Variants in ZMYND12 observed in about 807,000 individuals in gnomAD.
ZMYND12 encodes the protein zinc finger MYND-type containing 12, also known as zinc finger MYND domain-containing protein 12.
ZMYND12 carries 32 observed loss-of-function variants against 41.7 expected under a neutral mutation model. The observed-to-expected ratio is 0.77, with a 90% CI of 0.58 to 1.03. ZMYND12 has a LOEUF of 1.03. ZMYND12 is among the 50% of genes least tolerant of loss of function. The pLI, the probability that ZMYND12 is intolerant of heterozygous loss-of-function variation, is 0.00. For synonymous variants in ZMYND12, 148 were observed against 164.8 expected, an observed-to-expected ratio of 0.90 and a Z score of 0.78; for missense variants, 424 against 438.5, an observed-to-expected ratio of 0.97 and a Z score of 0.30.
intron 3 of ZMYND12, among the ~76,000 whole-genome samples, chr1:42,443,377 A>G (rs1026830051): frequency 2.6e-5 from 4 of 152,200 alleles, no homozygotes; most frequent in Non-Finnish European, 5.9e-5. Flanking sequence ...AAGTGATACT[A>G]TCCCTTAGGG....
chr1:42,437,832 C>T (rs963322076), intron 4 of ZMYND12, among the ~76,000 whole-genome samples: 1 of 152,188 alleles, frequency 6.6e-6, no homozygotes, highest in Non-Finnish European at 1.5e-5. Context: ...CAGGCACATG[C>T]CACCACACCC....
intron 1 of ZMYND12, among the ~76,000 whole-genome samples, chr1:42,454,230 T>C (rs1040982391): frequency 6.6e-6 from 1 of 152,188 alleles, no homozygotes; most frequent in East Asian, 1.9e-4. Flanking sequence ...GAAGTGAAGG[T>C]AGAGAAATAA....
rs141426480 is a variant in ZMYND12, at chr1:42,432,216, C to T, written c.975+927G>A. Reference sequence around the variant, plus strand: ...GGACTACATGTGCACACCTCTAGCCCGGCTGATCTTTTTATTTTTATTTTT... The same window carrying T: ...GGACTACATGTGCACACCTCTAGCCTGGCTGATCTTTTTATTTTTATTTTT... On this transcript the variant is annotated intron_variant, in intron 7 of 7. Transcript: ENST00000372565. Among the ~76,000 whole-genome samples, 737 of 151,990 alleles carry T rather than the reference C, an allele frequency of 4.8e-3. 7 individuals are homozygous for T. Among genetic ancestry groups the T allele is most frequent in the African/African-American group, 0.015 (612 of 41,436 alleles).
At position 42,430,770 on chromosome 1, in the gene ZMYND12, C is replaced by A. The variant is rs41301052; in HGVS notation, c.1064G>T (p.Ser355Ile). Reference sequence around the variant, plus strand: ...GGGATGGTCTTCAGTTGAAATGAGACTTAATAACTCTTGAATGGTGCTTTG... The same window carrying A: ...GGGATGGTCTTCAGTTGAAATGAGAATTAATAACTCTTGAATGGTGCTTTG... ...HEQSTIQELL[S>I]LISTEDHPIT The change falls in exon 8 of 8, where the codon AGT (serine) becomes ATT (isoleucine). Residue 355 changes from serine to isoleucine, a missense_variant. Coordinates refer to ENST00000372565, the MANE Select transcript of ZMYND12 (RefSeq NM_032257.5). 46,905 of 1,614,120 alleles carry A rather than the reference C, an allele frequency of 0.029. 798 individuals carry two copies. Among genetic ancestry groups the A allele is most frequent in the Non-Finnish European group, 0.034 (39,666 of 1,179,988 alleles).
At chr1:42,440,974 G>A (rs1159223847) in intron 3 of ZMYND12, among the ~76,000 whole-genome samples, 1 of 152,004 alleles carries the variant, frequency 6.6e-6, no homozygotes, top group African/African-American at 2.4e-5. Context: ...GGCCTTAATT[G>A]TTCTTTAAAA....
chr1:42,455,628 G>A lies in ZMYND12; in HGVS notation c.110+260C>T, dbSNP rs1221000463. Among the ~76,000 whole-genome samples, 9 of 152,224 alleles carry A rather than the reference G, an allele frequency of 5.9e-5. 1 individual carries two copies. Among genetic ancestry groups the A allele is most frequent in the Admixed American group, 5.9e-4 (9 of 15,282 alleles). ...GGAATGTTAGATCTTTGAAGGAACT[G>A]ATCTACCGAGCTGCCCCAGTAACTT... On this transcript the variant is annotated intron_variant, in intron 1 of 7. Coordinates refer to ENST00000372565, the MANE Select transcript of ZMYND12 (RefSeq NM_032257.5).
Position 42,430,807 on chromosome 1 carries a change from C to T in ZMYND12, c.1027G>A (p.Asp343Asn). 1.2e-6 allele frequency: 2 copies of T among 1,614,180 alleles called. No homozygotes were observed. The highest frequency in any genetic ancestry group is 1.7e-6 in the Non-Finnish European group (2 of 1,180,020). The change falls in exon 8 of 8, where the codon GAT becomes AAT. Residue 343 changes from aspartate (D) to asparagine (N), a missense_variant. Coordinates refer to ENST00000372565, the MANE Select transcript of ZMYND12 (RefSeq NM_032257.5). ...TGAATGGTGCTTTGCTCATGGACAT[C>T]AAGCTGTTGTTCTTTGGCTAGACTG... ...ALSLAKEQQL[D>N]VHEQSTIQEL...
rs778442980 is a variant in ZMYND12 at position 42,439,983 on chromosome 1, G to A, written c.467C>T (p.Ala156Val). 6.2e-7 allele frequency: 1 copy of A among 1,613,486 alleles called. No individual in the cohort carries two copies. Among genetic ancestry groups the A allele is most frequent in the Non-Finnish European group, 8.5e-7 (1 of 1,179,852 alleles). Residue 156 changes from alanine to valine, a missense_variant, in exon 4 of 8, where the codon GCC (alanine) becomes GTC (valine). Coordinates refer to ENST00000372565, the MANE Select transcript of ZMYND12 (RefSeq NM_032257.5). ...AGTTGATTTGAGGACTGTCCACTGG[G>A]CTTGGAATAGATATTCTTCAGCCTG... The part of the protein sequence containing the change: ...IVQAEEYLFQ[A>V]QWTVLKSTDC...
At chr1:42,436,749 A>G (rs915473806) in intron 4 of ZMYND12, among the ~76,000 whole-genome samples, 1 of 152,098 alleles carries the variant, frequency 6.6e-6, no homozygotes, top group African/African-American at 2.4e-5. Context: ...AATTAGGTAA[A>G]TGCAAAACAA....
intron 3 of ZMYND12, among the ~76,000 whole-genome samples, chr1:42,447,920 A>G (rs1643040516): frequency 6.6e-6 from 1 of 152,184 alleles, no homozygotes; most frequent in Non-Finnish European, 1.5e-5. Context: ...ATAAAGGTGG[A>G]TTCCACACTC....
intron 6 of ZMYND12, among the ~76,000 whole-genome samples, chr1:42,434,443 C>T (rs961751697): frequency 3.9e-5 from 6 of 152,154 alleles, no homozygotes; most frequent in African/African-American, 1.4e-4. Context: ...AACCCCCAGG[C>T]CATGGACCAG....
chr1:42,448,238 G>A (rs977310493), intron 3 of ZMYND12, among the ~76,000 whole-genome samples: 34 of 152,158 alleles, frequency 2.2e-4, no homozygotes, highest in African/African-American at 8.2e-4. Flanking sequence ...TACAGCACCC[G>A]CACAAAGTTC....
intron 5 of ZMYND12, 151 bp from the exon 6 acceptor site, chr1:42,435,536 G>T (rs2148404759): frequency 1.7e-6 from 1 of 591,022 alleles, no homozygotes; most frequent in South Asian, 1.9e-5. Context: ...AACCCTAGGA[G>T]CCCAAACAGG....
chr1:42,436,732 A>C (rs943309831), intron 4 of ZMYND12, among the ~76,000 whole-genome samples, 189 bp from the exon 5 acceptor site: 2 of 152,130 alleles, frequency 1.3e-5, no homozygotes, highest in Non-Finnish European at 2.9e-5. Context: ...ATAGATACTA[A>C]CATAGTAATT....
intron 3 of ZMYND12, among the ~76,000 whole-genome samples, chr1:42,444,250 G>GAGAGCTCTGAGTGAGGA (rs1642999214): frequency 6.6e-6 from 1 of 152,140 alleles, no homozygotes; most frequent in Admixed American, 6.6e-5. Context: ...CCATATATGT[G>GAGAGCTCTGAGTGAGGA]AGAGCTCTGA....
chr1:42,455,942 A>G lies in ZMYND12; in HGVS notation c.56T>C (p.Val19Ala). The change falls in exon 1 of 8, where the codon GTG (valine) becomes GCG (alanine). Residue 19 changes from valine (V) to alanine (A), a missense_variant. Physicochemically the swap from Val to Ala is moderately conservative, Grantham distance 64. Coordinates refer to ENST00000372565, the MANE Select transcript of ZMYND12 (RefSeq NM_032257.5). ...CACCCGCTCGGCTGGGGCTTCGCAC[A>G]CCTCACAGCAGAGTCTGCGCCCCTT... is the stretch of plus-strand genomic sequence containing the variant. ...VPKGRRLCCE[V>A]CEAPAERVCA... is the part of the protein sequence containing the mutation. The G allele has an allele frequency of 6.2e-7, 1 of 1,613,750 alleles. No homozygotes were observed. The highest frequency in any genetic ancestry group is 8.5e-7 in the Non-Finnish European group (1 of 1,179,996).
intron 7 of ZMYND12, among the ~76,000 whole-genome samples, chr1:42,431,673 T>C (rs1642852363): frequency 6.6e-6 from 1 of 152,206 alleles, no homozygotes; most frequent in African/African-American, 2.4e-5. Context: ...CTTCCTTGAG[T>C]ACACAGTGGA....
chr1:42,453,621 C>T (rs1310304162), intron 1 of ZMYND12, among the ~76,000 whole-genome samples: 1 of 152,146 alleles, frequency 6.6e-6, no homozygotes, highest in Non-Finnish European at 1.5e-5. Context: ...GAATTACTTC[C>T]GGCTGGAGGG....
intron 7 of ZMYND12, 25 bp downstream of exon 7, chr1:42,433,118 G>A (rs780216291): frequency 2.5e-5 from 40 of 1,605,346 alleles, no homozygotes; most frequent in Admixed American, 2.4e-4. Flanking sequence ...CATTTTAGAC[G>A]TGTTGCTTTT....
Sources: gnomAD v4.1 joint callset for allele counts (sites outside exome capture counted in the v4.1 genomes callset) on GRCh38, gnomAD v4.1.1 for gene constraint, MANE v1.5 for transcripts, NCBI Gene and HGNC (gene_info 2026-07-23, HGNC 2026-07-21) for gene names.